INSR: variants seen among roughly 807,000 people sequenced by gnomAD.
The protein encoded by INSR is IR.
A neutral mutation model predicts 142.6 loss-of-function variants in INSR; 67 were observed. That is an observed-to-expected ratio of 0.47 (90% confidence interval 0.39 to 0.58). The LOEUF (loss-of-function observed/expected upper bound fraction) is 0.58, where lower values mean the gene tolerates loss of function less well. INSR is among the 20% of genes least tolerant of loss of function. The pLI, the probability that INSR is intolerant of heterozygous loss-of-function variation, is 0.00. For synonymous variants in INSR, 756 were observed against 743.1 expected (o/e 1.02, Z -0.28); for missense variants, 1,248 against 1,833.2 (o/e 0.68, Z 5.83).
chr19:7,249,854 T>A (rs889567996), intron 2 of INSR, among the ~76,000 whole-genome samples: 8 of 151,946 alleles, frequency 5.3e-5, no homozygotes, highest in African/African-American at 1.7e-4. Flanking sequence ...TAGCCGGGCG[T>A]GGTGGCAGGT....
intron 2 of INSR, among the ~76,000 whole-genome samples, chr19:7,191,650 T>G (rs539304681): frequency 1.3e-4 from 20 of 152,178 alleles, no homozygotes; most frequent in African/African-American, 4.8e-4. Flanking sequence ...GCCAGACCCC[T>G]GTCTCTACAA....
At chr19:7,139,848 G>A (rs1973024699) in intron 13 of INSR, among the ~76,000 whole-genome samples, 1 of 110,050 alleles carries the variant, frequency 9.1e-6, no homozygotes, top group Non-Finnish European at 1.7e-5. Context: ...TTTTGAGACA[G>A]AGTCTTGTTC....
chr19:7,263,176 G>A (rs1977116375), intron 2 of INSR, among the ~76,000 whole-genome samples: 1 of 152,052 alleles, frequency 6.6e-6, no homozygotes, highest in South Asian at 2.1e-4. Flanking sequence ...TCACTCGGAA[G>A]GCTGAGGCAG....
chr19:7,275,324 G>A (rs1024499160), intron 1 of INSR, among the ~76,000 whole-genome samples: 5 of 151,928 alleles, frequency 3.3e-5, no homozygotes, highest in Non-Finnish European at 5.9e-5. Context: ...CTGGATCCCC[G>A]CCTCTGGAGA....
At chr19:7,130,687 G>A (rs1366599806) in intron 14 of INSR, among the ~76,000 whole-genome samples, 1 of 152,054 alleles carries the variant, frequency 6.6e-6, no homozygotes, top group Non-Finnish European at 1.5e-5. Context: ...CAGCATCATG[G>A]TTCCTGTACT....
In INSR at chr19:7,216,510, C is replaced by A. The variant is rs375415708; in HGVS notation, c.653-31873G>T. Among the ~76,000 whole-genome samples, 4 of 152,310 alleles carry A rather than the reference C, an allele frequency of 2.6e-5. No homozygotes were observed. Among genetic ancestry groups the A allele is most frequent in the African/African-American group, 9.6e-5 (4 of 41,562 alleles). ...CAGACATCCAGAGGGTAACAGGGAA[C>A]CACGGGGGATGTCCCCGGGCTCTGG... On this transcript the variant is annotated intron_variant, in intron 2 of 21. Transcript: ENST00000302850. This position sits in a 1 kb window ranked among gnomAD's most constrained non-coding sequence, Gnocchi z 4.2.
chr19:7,292,564 T>G (rs942945148), intron 1 of INSR, among the ~76,000 whole-genome samples: 3 of 151,976 alleles, frequency 2.0e-5, no homozygotes, highest in African/African-American at 7.2e-5. Context: ...TGATTTTACA[T>G]GCACCCGTTT....
At chr19:7,193,296 G>A (rs1034455552) in intron 2 of INSR, among the ~76,000 whole-genome samples, 1 of 151,862 alleles carries the variant, frequency 6.6e-6, no homozygotes, top group Non-Finnish European at 1.5e-5. Flanking sequence ...AGCGGATCAC[G>A]AGGTCAGGAG....
intron 4 of INSR, among the ~76,000 whole-genome samples, chr19:7,172,744 A>G (rs1206716812): frequency 6.6e-6 from 1 of 151,684 alleles, no homozygotes; most frequent in Non-Finnish European, 1.5e-5. Context: ...TAAAATAGCA[A>G]CCCCCAGCTT....
Position 7,141,816 on chromosome 19 carries a change from G to A in INSR, c.2543C>T (p.Ala848Val), listed in dbSNP as rs781081662. The change falls in exon 13 of 22, where the codon GCC becomes GTC. Residue 848 changes from alanine (A) to valine (V), a missense_variant and splice_region_variant. By Grantham distance (64) the Ala-to-Val change is moderately conservative. Coordinates refer to ENST00000302850, the MANE Select transcript of INSR (RefSeq NM_000208.4). ...AGGGCCAACAATGTCATCAGCCTTG[G>A]CTGTAAGGAGAGGAAGTGAGAGGCA... is the stretch of plus-strand genomic sequence containing the variant. ...AYVSARTMPE[A>V]KADDIVGPVT... The A allele has an allele frequency of 3.7e-6, 6 of 1,613,808 alleles. No homozygotes were observed. In the East Asian group the frequency reaches 1.3e-4, roughly 36 times the overall value.
At chr19:7,223,458 C>A (rs1975684257) in intron 2 of INSR, among the ~76,000 whole-genome samples, 1 of 152,128 alleles carries the variant, frequency 6.6e-6, no homozygotes, top group Non-Finnish European at 1.5e-5. Flanking sequence ...TACCTGGGCA[C>A]ACTGTGATGG....
chr19:7,248,479 C>G (rs1600089293), intron 2 of INSR, among the ~76,000 whole-genome samples: 1 of 101,526 alleles, frequency 9.8e-6, no homozygotes, highest in Non-Finnish European at 2.0e-5. Context: ...GAGGGAGACC[C>G]CATCTCAAAA....
chr19:7,249,842 AT>A (rs1393951006), intron 2 of INSR, among the ~76,000 whole-genome samples: 8 of 152,094 alleles, frequency 5.3e-5, no homozygotes, highest in Non-Finnish European at 1.0e-4. Flanking sequence ...AATACAAAAA[AT>A]TAGCCGGGCG....
At position 7,209,789 on chromosome 19, in the gene INSR, A is replaced by G. The variant is rs937984537; in HGVS notation, c.653-25152T>C. On this transcript the variant is annotated intron_variant, in intron 2 of 21. Transcript: ENST00000302850. ...ACTTGACTAATGTACAGGTTGAAAT[A>G]CAGAACATTTGCACCACCCCCATCT... is the stretch of plus-strand genomic sequence containing the variant. Among the ~76,000 whole-genome samples the G allele has an allele frequency of 2.6e-5, 4 of 152,292 alleles. No individual in the cohort carries two copies. The East Asian group carries it at 5.8e-4, about 22-fold the overall frequency.
At chr19:7,293,505 G>T (rs1400426053) in intron 1 of INSR, among the ~76,000 whole-genome samples, 2 of 152,232 alleles carry the variant, frequency 1.3e-5, no homozygotes, top group Non-Finnish European at 2.9e-5. Flanking sequence ...CGGGGCACGG[G>T]TCGGAGGCGC....
At chr19:7,210,070 C>A (rs1183375675) in intron 2 of INSR, among the ~76,000 whole-genome samples, 2 of 152,018 alleles carry the variant, frequency 1.3e-5, no homozygotes, top group East Asian at 3.9e-4. Flanking sequence ...AAGAGCCAGG[C>A]GCAGTGGCTC....
At chr19:7,153,651 G>A (rs1315811912) in intron 9 of INSR, among the ~76,000 whole-genome samples, 1 of 151,918 alleles carries the variant, frequency 6.6e-6, no homozygotes, top group Non-Finnish European at 1.5e-5. Flanking sequence ...CCAGGAGTTC[G>A]AGGCTGCAGT....
chr19:7,283,144 G>A (rs980694340), intron 1 of INSR, among the ~76,000 whole-genome samples: 2 of 152,060 alleles, frequency 1.3e-5, no homozygotes, highest in Non-Finnish European at 2.9e-5. Context: ...AGTGAGCTGT[G>A]ATTGCGCCAC....
At chr19:7,208,006 G>A (rs1975163230) in intron 2 of INSR, among the ~76,000 whole-genome samples, 2 of 151,944 alleles carry the variant, frequency 1.3e-5, no homozygotes, top group African/African-American at 4.8e-5. Flanking sequence ...CTTGGCCTTG[G>A]GCATGGAAAG....
Sources: gnomAD v4.1 joint callset for allele counts (sites outside exome capture counted in the v4.1 genomes callset) on GRCh38, gnomAD v4.1.1 for gene constraint, Gnocchi (gnomAD v3.1) non-coding constraint, MANE v1.5 for transcripts, NCBI Gene and HGNC (gene_info 2026-07-23, HGNC 2026-07-21) for gene names.